The following CDH7 variants were observed in gnomAD, a reference collection of about 807,000 sequenced individuals.
CDH7 encodes the protein cadherin-7.
In CDH7, 25 loss-of-function variants were observed where a neutral mutation model predicts 71.8. That is an observed-to-expected ratio of 0.35 (90% CI 0.25 to 0.49). The LOEUF (loss-of-function observed/expected upper bound fraction) is 0.49, where lower values mean the gene tolerates loss of function less well. CDH7 is among the 20% of genes least tolerant of loss of function. CDH7 has a pLI of 0.99. For missense variants in CDH7, 862 were observed against 974.6 expected (o/e 0.88, Z 1.54); for synonymous variants, 381 against 363.8 (o/e 1.05, Z -0.54).
chr18:65,854,581 A>G (rs1014561675), intron 7 of CDH7, among the ~76,000 whole-genome samples: 5 of 152,110 alleles, frequency 3.3e-5, no homozygotes, highest in African/African-American at 1.2e-4. Flanking sequence ...TTAGTCATTG[A>G]CTTTAGCCCT....
At chr18:65,811,110 T>A (rs1911518430) in intron 3 of CDH7, among the ~76,000 whole-genome samples, 1 of 152,034 alleles carries the variant, frequency 6.6e-6, no homozygotes, top group African/African-American at 2.4e-5. Context: ...CCTGCTGTTT[T>A]TAATATTGAG....
At chr18:65,770,571 A>C (rs1916512479) in intron 2 of CDH7, among the ~76,000 whole-genome samples, 1 of 152,200 alleles carries the variant, frequency 6.6e-6, no homozygotes, top group African/African-American at 2.4e-5. Flanking sequence ...TTCTTGTTTA[A>C]AACTTATATT....
intron 7 of CDH7, among the ~76,000 whole-genome samples, chr18:65,847,974 AT>A (rs11295910): frequency 0.88 from 133,289 of 151,112 alleles, 61,191 homozygotes; most frequent in East Asian, 1. Flanking sequence ...AAAAAAAACG[AT>A]TTTTTTTTTT....
intron 1 of CDH7, among the ~76,000 whole-genome samples, chr18:65,753,389 C>T (rs1915940254): frequency 6.6e-6 from 1 of 152,152 alleles, no homozygotes; most frequent in Non-Finnish European, 1.5e-5. Flanking sequence ...TTACAATCTT[C>T]CTGGATTTCA....
chr18:65,826,082 G>T (rs1912118606), intron 6 of CDH7, among the ~76,000 whole-genome samples: 2 of 151,394 alleles, frequency 1.3e-5, no homozygotes, highest in African/African-American at 2.4e-5. Context: ...ATTTGATTTA[G>T]TAAGGGAAAA....
intron 2 of CDH7, among the ~76,000 whole-genome samples, chr18:65,790,478 C>T (rs1181818554): frequency 3.3e-5 from 5 of 151,986 alleles, no homozygotes; most frequent in African/African-American, 1.2e-4. Flanking sequence ...TCTCTTTCTC[C>T]TCCTCATTCT....
At chr18:65,848,776 T>C (rs1351737164) in intron 7 of CDH7, among the ~76,000 whole-genome samples, 1 of 152,152 alleles carries the variant, frequency 6.6e-6, no homozygotes, top group Non-Finnish European at 1.5e-5. Flanking sequence ...TAAGCATTTC[T>C]AATAATCTAA....
chr18:65,794,293 G>A (rs995690190), intron 2 of CDH7, among the ~76,000 whole-genome samples: 3 of 152,092 alleles, frequency 2.0e-5, no homozygotes, highest in East Asian at 3.9e-4. Context: ...GGGAACTATC[G>A]ATGATTTTGT....
intron 1 of CDH7, among the ~76,000 whole-genome samples, chr18:65,759,686 G>T (rs1394343407): frequency 6.6e-6 from 1 of 152,170 alleles, no homozygotes; most frequent in African/African-American, 2.4e-5. Flanking sequence ...AGATAATTGA[G>T]TTCAGCTCCT....
At chr18:65,829,955 C>T (rs72944005) in intron 6 of CDH7, among the ~76,000 whole-genome samples, 27,095 of 151,996 alleles carry the variant, frequency 0.18, 2,870 homozygotes, top group Non-Finnish European at 0.25. Flanking sequence ...TCCAGGAGAG[C>T]TCAGGCCCCA....
intron 10 of CDH7, among the ~76,000 whole-genome samples, chr18:65,862,363 G>T (rs1490125432): frequency 6.6e-6 from 1 of 152,168 alleles, no homozygotes; most frequent in East Asian, 1.9e-4. Context: ...ATAAGTAAAA[G>T]ATGTAGTTTT....
At chr18:65,800,136 G>A (rs764756189) in intron 2 of CDH7, among the ~76,000 whole-genome samples, 2 of 152,232 alleles carry the variant, frequency 1.3e-5, no homozygotes, top group Admixed American at 6.5e-5. Context: ...CTGGAGTGAA[G>A]TGGTGTGATC....
chr18:65,836,218 T>C (rs979911053), intron 6 of CDH7, among the ~76,000 whole-genome samples: 1 of 152,172 alleles, frequency 6.6e-6, no homozygotes, highest in Non-Finnish European at 1.5e-5. Context: ...ATTTTGGTAA[T>C]TTGTTACTGT....
Position 65,882,844 on chromosome 18 carries a change from C to G in CDH7, c.*1950C>G, listed in dbSNP as rs969728791. The G allele has an allele frequency of 6.6e-6, 1 of 151,970 alleles. No individual in the cohort carries two copies. Among genetic ancestry groups the G allele is most frequent in the Admixed American group, 6.6e-5 (1 of 15,264 alleles). 9.4% of individuals were successfully genotyped at this position (151,970 alleles called of 1,614,324 possible). A position where few individuals can be genotyped will look rare whatever the true frequency, so the allele number is the denominator to read the frequency against. ...GCGTATTTACCCAGTTCAATAAAAT[C>G]AGAGTGTGGTGCAGGAATTACAGAG... On this transcript the variant is annotated 3_prime_UTR_variant, in exon 12 of 12. Transcript: ENST00000397968.
At chr18:65,777,842 T>C (rs967201333) in intron 2 of CDH7, among the ~76,000 whole-genome samples, 1 of 152,172 alleles carries the variant, frequency 6.6e-6, no homozygotes, top group South Asian at 2.1e-4. Flanking sequence ...TGATTGTATC[T>C]CTTTGAGAAG....
At chr18:65,871,964 C>T (rs1438246437) in intron 11 of CDH7, among the ~76,000 whole-genome samples, 1 of 151,520 alleles carries the variant, frequency 6.6e-6, no homozygotes, top group Non-Finnish European at 1.5e-5. Flanking sequence ...TCACTGGGCT[C>T]GCCTAGGAAG....
intron 6 of CDH7, among the ~76,000 whole-genome samples, chr18:65,826,354 C>T (rs1189670336): frequency 1.3e-5 from 2 of 150,866 alleles, no homozygotes; most frequent in Non-Finnish European, 3.0e-5. Flanking sequence ...TCTCAACAAT[C>T]TCATGAAGCT....
chr18:65,787,926 G>A (rs1425315552), intron 2 of CDH7, among the ~76,000 whole-genome samples: 1 of 152,056 alleles, frequency 6.6e-6, no homozygotes, highest in Non-Finnish European at 1.5e-5. Context: ...ACCAGTTAGT[G>A]TGAAGAGTGG....
At chr18:65,766,754 C>A (rs997101138) in intron 2 of CDH7, among the ~76,000 whole-genome samples, 2 of 151,846 alleles carry the variant, frequency 1.3e-5, no homozygotes, top group African/African-American at 4.8e-5. Context: ...TATATCACCC[C>A]TCCCGTGGCT....
Sources: allele counts gnomAD v4.1 joint callset (sites outside exome capture counted in the v4.1 genomes callset), GRCh38; gene constraint gnomAD v4.1.1; transcripts MANE v1.5; gene names NCBI Gene and HGNC (gene_info 2026-07-23, HGNC 2026-07-21).